CACNB4: variants seen among roughly 807,000 people sequenced by gnomAD.
CACNB4 encodes the protein calcium voltage-gated channel auxiliary subunit beta 4, also known as voltage-dependent L-type calcium channel subunit beta-4.
CACNB4 carries 32 observed loss-of-function variants against 71.2 expected under a neutral mutation model. That is an observed-to-expected ratio of 0.45 (90% confidence interval 0.34 to 0.60). The LOEUF (loss-of-function observed/expected upper bound fraction) is 0.60. Ranked by LOEUF, CACNB4 falls within the 20% of genes least tolerant of loss-of-function variation. The pLI is 0.01. For synonymous variants in CACNB4, 231 were observed against 236.9 expected, an observed-to-expected ratio of 0.97 and a Z score of 0.23; for missense variants, 464 against 647.9, an observed-to-expected ratio of 0.72 and a Z score of 3.08.
intron 2 of CACNB4, among the ~76,000 whole-genome samples, chr2:152,013,982 G>T (rs898688821): frequency 6.6e-6 from 1 of 152,184 alleles, no homozygotes; most frequent in Non-Finnish European, 1.5e-5. Flanking sequence ...TTCCTAGCTG[G>T]CTGGGAAAAC....
At chr2:151,858,211 T>C (rs762365681) in intron 10 of CACNB4, 3 of 152,370 alleles carry the variant, frequency 2.0e-5, no homozygotes, top group Non-Finnish European at 4.4e-5. Context: ...ACTATGATGC[T>C]GGAGGACCTC....
At chr2:152,066,924 CAT>C (rs932395111) in intron 2 of CACNB4, among the ~76,000 whole-genome samples, 21 of 144,564 alleles carry the variant, frequency 1.5e-4, no homozygotes, top group South Asian at 8.9e-4. Context: ...TATTCTCACT[CAT>C]AGGTGGGAAT....
At position 151,926,013 on chromosome 2, in the gene CACNB4, T is replaced by A. The variant is rs2099860157; in HGVS notation, c.148-42643A>T. On this transcript the variant is annotated intron_variant, in intron 2 of 13. Transcript: ENST00000539935. ...CTATTAAACAACCAAATGGAGGTAT[T>A]GAGTAGGCAGTTGGAATTCAGGAGA... 2.0e-5 allele frequency among the ~76,000 whole-genome samples: 3 copies of A among 152,272 alleles called. No homozygotes were observed. The South Asian group carries it at 6.2e-4, about 32-fold the overall frequency.
intron 2 of CACNB4, among the ~76,000 whole-genome samples, chr2:152,024,076 T>C (rs1486426679): frequency 2.0e-5 from 3 of 152,088 alleles, no homozygotes; most frequent in Admixed American, 6.6e-5. Flanking sequence ...GCCCAACACT[T>C]TGGGAGGCTG....
In CACNB4 at chr2:151,939,321, G is replaced by A. The variant is rs1003203165; in HGVS notation, c.148-55951C>T. On this transcript the variant is annotated intron_variant, in intron 2 of 13. Coordinates refer to ENST00000539935, the MANE Select transcript of CACNB4 (RefSeq NM_000726.5). ...GTGGGTTTGGTTGAGAGAATAAAGC[G>A]CCCTTGAAAATCAACAGGAAGATGT... 3.3e-5 allele frequency among the ~76,000 whole-genome samples: 5 copies of A among 152,224 alleles called. No individual in the cohort carries two copies. The East Asian group carries it at 9.7e-4, about 29-fold the overall frequency.
At chr2:151,881,269 T>C (rs1483339526) in intron 3 of CACNB4, among the ~76,000 whole-genome samples, 3 of 151,762 alleles carry the variant, frequency 2.0e-5, no homozygotes, top group Non-Finnish European at 4.4e-5. Context: ...CTTCTTAACT[T>C]GGAATACAGG....
intron 2 of CACNB4, among the ~76,000 whole-genome samples, chr2:151,991,802 T>TC (rs1237730137): frequency 6.6e-6 from 1 of 152,220 alleles, no homozygotes; most frequent in African/African-American, 2.4e-5. Flanking sequence ...GATTTGTTTA[T>TC]CATTCTGTAA....
intron 2 of CACNB4, among the ~76,000 whole-genome samples, chr2:151,962,053 G>A (rs1252956906): frequency 1.3e-5 from 2 of 152,202 alleles, no homozygotes; most frequent in African/African-American, 2.4e-5. Context: ...TAACCGGTAA[G>A]CTCTGCTCTT....
At chr2:151,999,863 C>T (rs1196752568) in intron 2 of CACNB4, among the ~76,000 whole-genome samples, 1 of 152,148 alleles carries the variant, frequency 6.6e-6, no homozygotes, top group Non-Finnish European at 1.5e-5. Context: ...GGATTCTATT[C>T]CCAAATTCAT....
At chr2:151,974,520 G>T (rs776245305) in intron 2 of CACNB4, among the ~76,000 whole-genome samples, 10 of 152,178 alleles carry the variant, frequency 6.6e-5, no homozygotes, top group Non-Finnish European at 1.0e-4. Context: ...GTTTGAAAAG[G>T]AAGCCAAAAA....
intron 2 of CACNB4, among the ~76,000 whole-genome samples, chr2:152,073,919 C>T (rs1368827168): frequency 6.6e-6 from 1 of 152,124 alleles, no homozygotes; most frequent in African/African-American, 2.4e-5. Flanking sequence ...CCAGAAGAGG[C>T]AGGACTGTAA....
At chr2:152,076,981 G>A (rs1370647185) in intron 2 of CACNB4, among the ~76,000 whole-genome samples, 1 of 152,222 alleles carries the variant, frequency 6.6e-6, no homozygotes, top group Non-Finnish European at 1.5e-5. Flanking sequence ...GCCATGGACT[G>A]AGCAGCCAGG....
intron 2 of CACNB4, among the ~76,000 whole-genome samples, chr2:151,995,095 C>T (rs1442096449): frequency 6.6e-6 from 1 of 152,062 alleles, no homozygotes; most frequent in Non-Finnish European, 1.5e-5. Flanking sequence ...AGACATATTC[C>T]AAATTATTAC....
chr2:151,965,841 T>C (rs1375952018), intron 2 of CACNB4, among the ~76,000 whole-genome samples: 1 of 152,178 alleles, frequency 6.6e-6, no homozygotes, highest in African/African-American at 2.4e-5. Flanking sequence ...AGACAAAGCA[T>C]CCTTTTTGGC....
intron 2 of CACNB4, among the ~76,000 whole-genome samples, chr2:151,905,395 C>T (rs949863993): frequency 8.5e-5 from 13 of 152,160 alleles, no homozygotes; most frequent in East Asian, 1.9e-4. Context: ...ACTCATCTTT[C>T]GAACTAAAAA....
intron 2 of CACNB4, chr2:151,967,038 C>T (rs987975220): frequency 5.1e-5 from 7 of 136,276 alleles, no homozygotes; most frequent in Non-Finnish European, 9.3e-5. Context: ...GCTGTCTCCA[C>T]ATTTTTTTTT....
chr2:152,017,887 C>A (rs1344765661), intron 2 of CACNB4, among the ~76,000 whole-genome samples: 1 of 151,386 alleles, frequency 6.6e-6, no homozygotes, highest in Non-Finnish European at 1.5e-5. Context: ...GGCTGGAGTG[C>A]AATGGCATGG....
chr2:151,933,257 G>C (rs184407398), intron 2 of CACNB4, among the ~76,000 whole-genome samples: 1 of 151,540 alleles, frequency 6.6e-6, no homozygotes, highest in African/African-American at 2.4e-5. Context: ...TCAGTGTCTC[G>C]ATGTTGGCCT....
At chr2:152,095,921 G>C (rs1688242254) in intron 2 of CACNB4, among the ~76,000 whole-genome samples, 1 of 152,154 alleles carries the variant, frequency 6.6e-6, no homozygotes, top group Non-Finnish European at 1.5e-5. Context: ...CCAAAGTGCT[G>C]GGATTACAGG....
Sources: allele counts gnomAD v4.1 joint callset (sites outside exome capture counted in the v4.1 genomes callset), GRCh38; gene constraint gnomAD v4.1.1; transcripts MANE v1.5; gene names NCBI Gene and HGNC (gene_info 2026-07-23, HGNC 2026-07-21).